Variants in FLI1 observed in about 807,000 individuals in gnomAD.
FLI1 encodes Friend leukemia integration 1 transcription factor.
Under a neutral mutation model 53.1 loss-of-function variants are expected in FLI1, and 13 were observed. That is an observed-to-expected ratio of 0.24 (90% CI 0.16 to 0.39). The LOEUF is 0.39. Among genes scored for constraint, FLI1 ranks in the 10% least tolerant of loss-of-function variants. The pLI, the probability that FLI1 is intolerant of heterozygous loss-of-function variation, is 1.00. For synonymous variants in FLI1, 244 were observed against 236.7 expected (o/e 1.03, Z -0.28); for missense variants, 424 against 600.5 (o/e 0.71, Z 3.07).
chr11:128,690,742 C>T (rs1937705949), upstream of FLI1, among the ~76,000 whole-genome samples: 1 of 152,308 alleles, frequency 6.6e-6, no homozygotes, highest in Middle Eastern at 3.4e-3. Flanking sequence ...ATGTGGTGGG[C>T]TGTTTTGTTG....
intron 1 of FLI1, among the ~76,000 whole-genome samples, chr11:128,752,230 C>G (rs1940677914): frequency 6.6e-6 from 1 of 152,186 alleles, no homozygotes; most frequent in Admixed American, 6.5e-5. Flanking sequence ...CCCGCCTCAG[C>G]CTTCCAAAAT....
At chr11:128,809,331 G>A (rs1942875341) in intron 8 of FLI1, 127 bp downstream of exon 8, 1 of 801,014 alleles carries the variant, frequency 1.2e-6, no homozygotes, top group Admixed American at 2.2e-5. Context: ...TCCTTGAAAT[G>A]TTCAATGTCT....
rs61733405 is a variant in FLI1 at position 128,810,571 on chromosome 11, C to T, written c.942C>T (p.Pro314=). Residue 314 remains proline (P), a synonymous_variant, in exon 9 of 9, where the codon CCC becomes CCT. Transcript: ENST00000527786. This position sits in a 1 kb window ranked among gnomAD's most constrained non-coding sequence, Gnocchi z 6.6. ...GTNGEFKMTD[P]DEVARRWGER... is the part of the protein sequence containing the mutation. ...ACGGGGAGTTCAAAATGACGGACCC[C>T]GATGAGGTGGCCAGGCGCTGGGGCG... The T allele has an allele frequency of 5.6e-6, 9 of 1,613,244 alleles. No individual in the cohort carries two copies. In the Admixed American group the frequency reaches 6.7e-5, roughly 12 times the overall value.
At chr11:128,741,011 C>G (rs1190652085) in intron 1 of FLI1, among the ~76,000 whole-genome samples, 1 of 152,158 alleles carries the variant, frequency 6.6e-6, no homozygotes, top group Non-Finnish European at 1.5e-5. Context: ...GTTGGCACGC[C>G]AGCATCCCCA....
intron 1 of FLI1, among the ~76,000 whole-genome samples, chr11:128,726,982 G>C (rs1565468949): frequency 6.6e-6 from 1 of 152,080 alleles, no homozygotes; most frequent in Non-Finnish European, 1.5e-5. Flanking sequence ...CTGTGTCTTT[G>C]GGAAGGGCAA....
intron 1 of FLI1, among the ~76,000 whole-genome samples, chr11:128,723,274 G>A (rs1287311424): frequency 6.6e-6 from 1 of 152,152 alleles, no homozygotes; most frequent in Non-Finnish European, 1.5e-5. Context: ...AGCAAGTGGG[G>A]GCTCAGGCAG....
At chr11:128,723,615 C>T (rs1939347715) in intron 1 of FLI1, among the ~76,000 whole-genome samples, 1 of 152,206 alleles carries the variant, frequency 6.6e-6, no homozygotes, top group Admixed American at 6.5e-5. Context: ...AAAAACCCTG[C>T]TTGAGATTCC....
At chr11:128,759,487 T>C (rs672149) in intron 2 of FLI1, among the ~76,000 whole-genome samples, 1 of 151,914 alleles carries the variant, frequency 6.6e-6, no homozygotes, top group African/African-American at 2.4e-5. Context: ...TAGGAAATAA[T>C]GAAGTTCGGA....
At chr11:128,807,368 T>A in intron 7 of FLI1, 129 bp downstream of exon 7, 1 of 540,244 alleles carries the variant, frequency 1.9e-6, no homozygotes, top group Admixed American at 3.9e-5. Context: ...AGAGGGTCTA[T>A]CTTTGACCCT....
At chr11:128,723,956 T>C (rs1939361612) in intron 1 of FLI1, among the ~76,000 whole-genome samples, 2 of 148,268 alleles carry the variant, frequency 1.3e-5, no homozygotes, top group Non-Finnish European at 3.0e-5. Context: ...TTTTTTTTTT[T>C]TTTGAGACGG....
chr11:128,806,531 T>A (rs936112782), intron 6 of FLI1: 1 of 152,258 alleles, frequency 6.6e-6, no homozygotes, highest in Non-Finnish European at 1.5e-5. Context: ...TATGAAGATA[T>A]GCCTTAGTTC....
intron 5 of FLI1, among the ~76,000 whole-genome samples, chr11:128,802,939 A>G (rs147470521): frequency 6.6e-6 from 1 of 152,390 alleles, no homozygotes; most frequent in Non-Finnish European, 1.5e-5. Flanking sequence ...AACGATAACT[A>G]TAGCCATGGC....
chr11:128,710,280 T>C (rs760134077), intron 1 of FLI1, among the ~76,000 whole-genome samples: 3 of 152,166 alleles, frequency 2.0e-5, no homozygotes, highest in East Asian at 1.9e-4. Context: ...GAGTTGACCA[T>C]TTCCATTTAA....
chr11:128,755,405 G>T, intron 1 of FLI1, among the ~76,000 whole-genome samples: 1 of 152,202 alleles, frequency 6.6e-6, no homozygotes, highest in African/African-American at 2.4e-5. Context: ...TTTGTAGCAG[G>T]ACTGTGGTAC....
chr11:128,729,293 A>T (rs978601645), intron 1 of FLI1, among the ~76,000 whole-genome samples: 1 of 152,220 alleles, frequency 6.6e-6, no homozygotes, highest in African/African-American at 2.4e-5. Flanking sequence ...GCCCTGATTT[A>T]TCTCACAGGT....
chr11:128,701,544 T>C (rs1377424817), intron 1 of FLI1, among the ~76,000 whole-genome samples: 1 of 152,190 alleles, frequency 6.6e-6, no homozygotes, highest in African/African-American at 2.4e-5. Flanking sequence ...AGATCAACTT[T>C]ACAGTACCTT....
At chr11:128,783,314 T>C (rs1211190000) in intron 5 of FLI1, among the ~76,000 whole-genome samples, 5 of 152,282 alleles carry the variant, frequency 3.3e-5, no homozygotes, top group Non-Finnish European at 1.5e-5. Flanking sequence ...GTTACAACTT[T>C]GATCACACAG....
chr11:128,753,713 G>A (rs1940744686), intron 1 of FLI1, among the ~76,000 whole-genome samples: 1 of 152,252 alleles, frequency 6.6e-6, no homozygotes, highest in African/African-American at 2.4e-5. Context: ...CTGCAAATAA[G>A]TGAAATTTCT....
intron 1 of FLI1, among the ~76,000 whole-genome samples, chr11:128,718,041 C>G (rs1419462428): frequency 6.6e-6 from 1 of 152,182 alleles, no homozygotes; most frequent in Admixed American, 6.5e-5. Flanking sequence ...GGCAGAGAAG[C>G]CTCATAGATA....
Sources: gnomAD v4.1 joint callset for allele counts (sites outside exome capture counted in the v4.1 genomes callset) on GRCh38, gnomAD v4.1.1 for gene constraint, Gnocchi (gnomAD v3.1) non-coding constraint, MANE v1.5 for transcripts, NCBI Gene and HGNC (gene_info 2026-07-23, HGNC 2026-07-21) for gene names.